The following ZSCAN21 variants were observed in gnomAD, a reference collection of about 807,000 sequenced individuals.
ZSCAN21 encodes zinc finger and SCAN domain containing 21, also known as zinc finger and SCAN domain-containing protein 21.
In ZSCAN21, 26 loss-of-function variants were observed where a neutral mutation model predicts 35.6. That is an observed-to-expected ratio of 0.73 (90% CI 0.54 to 1.01). The LOEUF is 1.01. Among genes scored for constraint, ZSCAN21 ranks in the 50% least tolerant of loss-of-function variants. ZSCAN21 has a pLI of 0.00. For missense variants in ZSCAN21, 593 were observed against 587.1 expected (o/e 1.01, Z -0.10); for synonymous variants, 219 against 219.3 (o/e 1.00, Z 0.01).
intron 1 of ZSCAN21, among the ~76,000 whole-genome samples, chr7:100,053,447 G>A (rs1190108490): frequency 6.6e-6 from 1 of 151,564 alleles, no homozygotes; most frequent in Non-Finnish European, 1.5e-5. Flanking sequence ...TGGTCTTAGG[G>A]TGCCCTCCTC....
intron 1 of ZSCAN21, among the ~76,000 whole-genome samples, chr7:100,056,571 TCTC>T (rs1211539997): frequency 1.3e-5 from 2 of 151,866 alleles, no homozygotes; most frequent in Admixed American, 6.6e-5. Context: ...TTCAAGCAAT[TCTC>T]CTGCCTCAGC....
intron 1 of ZSCAN21, among the ~76,000 whole-genome samples, chr7:100,054,874 T>C (rs1430851099): frequency 6.7e-6 from 1 of 149,400 alleles, no homozygotes; most frequent in Non-Finnish European, 1.5e-5. Flanking sequence ...AATCAAAGCC[T>C]TAATTTCATA....
At chr7:100,056,126 AGATG>A (rs1252393236) in intron 1 of ZSCAN21, among the ~76,000 whole-genome samples, 10 of 149,422 alleles carry the variant, frequency 6.7e-5, no homozygotes, top group East Asian at 2.0e-4. Context: ...TTTTTAGTAG[AGATG>A]AGGTTTCACC....
chr7:100,055,870 C>T (rs1458762200), intron 1 of ZSCAN21, among the ~76,000 whole-genome samples: 2 of 150,338 alleles, frequency 1.3e-5, no homozygotes, highest in Admixed American at 1.3e-4. Context: ...TCTCGATCTC[C>T]TGACCTCGTG....
chr7:100,063,303 A>G (rs1792430035), intron 3 of ZSCAN21, among the ~76,000 whole-genome samples: 1 of 152,186 alleles, frequency 6.6e-6, no homozygotes, highest in Non-Finnish European at 1.5e-5. Context: ...ATTGTGTGAA[A>G]GTGTGGTATG....
intron 1 of ZSCAN21, among the ~76,000 whole-genome samples, chr7:100,051,205 G>GAAAAAAAAAAAAAAAAAAAAAAAAAAAAA (rs1791857131): frequency 1.1e-5 from 1 of 89,794 alleles, no homozygotes; most frequent in African/African-American, 4.2e-5. Context: ...AAAAAAAAAG[G>GAAAAAAAAAAAAAAAAAAAAAAAAAAAAA]AAGAACTTGT....
chr7:100,060,603 A>G (rs918371886), intron 3 of ZSCAN21, among the ~76,000 whole-genome samples: 37 of 150,972 alleles, frequency 2.5e-4, no homozygotes, highest in African/African-American at 8.5e-4. Flanking sequence ...ATGGTGGCTC[A>G]CGCCTGTAAT....
intron 1 of ZSCAN21, among the ~76,000 whole-genome samples, chr7:100,052,443 A>T (rs4729572): frequency 0.59 from 89,272 of 151,556 alleles, 26,756 homozygotes; most frequent in East Asian, 0.86. Flanking sequence ...AAATAAAAAA[A>T]TTAAATTAAA....
intron 1 of ZSCAN21, among the ~76,000 whole-genome samples, chr7:100,055,753 G>T (rs1177142377): frequency 3.3e-5 from 5 of 149,868 alleles, no homozygotes; most frequent in African/African-American, 1.2e-4. Context: ...CCATTCTCCT[G>T]CCTCAGCCTC....
chr7:100,059,485 C>A (rs1421157568), intron 3 of ZSCAN21, among the ~76,000 whole-genome samples: 1 of 150,584 alleles, frequency 6.6e-6, no homozygotes, highest in African/African-American at 2.4e-5. Context: ...CCAGATGGGA[C>A]AGAAGACAAA....
In ZSCAN21 at chr7:100,057,865, C is replaced by G. The variant is rs761647964; in HGVS notation, c.567C>G (p.Phe189Leu). Residue 189 changes from phenylalanine (F) to leucine (L), a missense_variant, in exon 3 of 4, where the codon TTC becomes TTG. Coordinates refer to ENST00000292450, the MANE Select transcript of ZSCAN21 (RefSeq NM_145914.3). ...YIQESGEEQE[F>L]AQDPRKVRDC... ...AAGAGTCTGGTGAGGAGCAGGAGTT[C>G]GCTCAAGATCCAAGAAAGGTCCGAG... The G allele has an allele frequency of 5.0e-6, 8 of 1,610,352 alleles. No homozygotes were observed. The Admixed American group carries it at 1.2e-4, about 24-fold the overall frequency.
At chr7:100,057,569 T>G in intron 2 of ZSCAN21, 129 bp from the exon 3 acceptor site, 1 of 1,354,310 alleles carries the variant, frequency 7.4e-7, no homozygotes, top group East Asian at 2.3e-5. Context: ...ACTTTTAGCC[T>G]TGGGAATGGA....
At chr7:100,062,895 T>G (rs1400634296) in intron 3 of ZSCAN21, among the ~76,000 whole-genome samples, 1 of 152,030 alleles carries the variant, frequency 6.6e-6, no homozygotes, top group African/African-American at 2.4e-5. Context: ...ATAAAATAAA[T>G]ATTTTTTTAA....
chr7:100,049,983 G>C (rs1217283300), intron 1 of ZSCAN21, 142 bp downstream of exon 1: 1 of 152,300 alleles, frequency 6.6e-6, no homozygotes, highest in Non-Finnish European at 1.5e-5. Context: ...GTGGGGAGGA[G>C]CTCCTCGTCC....
At chr7:100,062,096 G>A (rs1485945162) in intron 3 of ZSCAN21, among the ~76,000 whole-genome samples, 1 of 152,138 alleles carries the variant, frequency 6.6e-6, no homozygotes, top group Non-Finnish European at 1.5e-5. Flanking sequence ...ACGGATCTGG[G>A]GCGGGAATGA....
Position 100,057,053 on chromosome 7 carries a change from C to T in ZSCAN21, c.47C>T (p.Pro16Leu). The stretch of plus-strand genomic sequence containing the variant: ...ATGGCCCCAGTTCTGGGCCCTAGGC[C>T]TCCACAGGAGCAGGTGGGGCCTCTG... ...LGMAPVLGPR[P>L]PQEQVGPLMV... is the part of the protein sequence containing the mutation. The change falls in exon 2 of 4, where the codon CCT (proline) becomes CTT (leucine). Residue 16 changes from proline to leucine, a missense_variant. By Grantham distance (98) the Pro-to-Leu change is moderately conservative. Coordinates refer to ENST00000292450, the MANE Select transcript of ZSCAN21 (RefSeq NM_145914.3). 1 of 1,613,988 alleles carries T rather than the reference C, an allele frequency of 6.2e-7. No individual in the cohort carries two copies. The highest frequency in any genetic ancestry group is 8.5e-7 in the Non-Finnish European group (1 of 1,179,962).
intron 1 of ZSCAN21, chr7:100,051,521 C>T (rs1182715639): frequency 6.6e-6 from 1 of 151,896 alleles, no homozygotes; most frequent in Admixed American, 6.6e-5. Context: ...GTCTCGATCT[C>T]CTGACCTCGT....
rs771203874 is a variant in ZSCAN21, at chr7:100,064,232, A to T, written c.1037A>T (p.Asp346Val). 119 of 1,614,044 alleles carry T rather than the reference A, an allele frequency of 7.4e-5. No individual in the cohort carries two copies. The highest frequency in any genetic ancestry group is 9.7e-5 in the Non-Finnish European group (114 of 1,180,030). The change falls in exon 4 of 4, where the codon GAC becomes GTC. Residue 346 changes from aspartate to valine, a missense_variant. Asp to Val is a radical substitution (Grantham distance 152, BLOSUM62 -3). Coordinates refer to ENST00000292450, the MANE Select transcript of ZSCAN21 (RefSeq NM_145914.3). Reference sequence around the variant, plus strand: ...GGAAAAGCTTTTGGGCAGAGCTCAGACCTTCTTAAACATCAGAGAATGCAC... The same window carrying T: ...GGAAAAGCTTTTGGGCAGAGCTCAGTCCTTCTTAAACATCAGAGAATGCAC... ...KCGKAFGQSS[D>V]LLKHQRMHTE...
chr7:100,053,546 A>ATACATAATT (rs755978112), intron 1 of ZSCAN21, among the ~76,000 whole-genome samples: 14 of 79,484 alleles, frequency 1.8e-4, no homozygotes, highest in Admixed American at 3.5e-4. Context: ...TACATACATA[A>ATACATAATT]TTTTTTTTTT....
Sources: allele counts gnomAD v4.1 joint callset (sites outside exome capture counted in the v4.1 genomes callset), GRCh38; gene constraint gnomAD v4.1.1; transcripts MANE v1.5; gene names NCBI Gene and HGNC (gene_info 2026-07-23, HGNC 2026-07-21).